FRAS1: variants seen among roughly 807,000 people sequenced by gnomAD.
FRAS1 encodes the protein extracellular matrix organizing protein FRAS1.
In FRAS1, 290 loss-of-function variants were observed where a neutral mutation model predicts 435.2. The observed-to-expected ratio is 0.67, with a 90% CI of 0.61 to 0.73. The LOEUF (loss-of-function observed/expected upper bound fraction) is 0.73. Ranked by LOEUF, FRAS1 falls within the 30% of genes least tolerant of loss-of-function variation. The pLI is 0.00. For missense variants in FRAS1, 4,860 were observed against 5,001.5 expected, an observed-to-expected ratio of 0.97 and a Z score of 0.85; for synonymous variants, 1,800 against 1,851.0, an observed-to-expected ratio of 0.97 and a Z score of 0.71.
intron 20 of FRAS1, among the ~76,000 whole-genome samples, chr4:78,359,752 T>C (rs1218793662): frequency 6.6e-6 from 1 of 152,150 alleles, no homozygotes; most frequent in Admixed American, 6.5e-5. Flanking sequence ...CTGTGTGAGG[T>C]AGAACTATAA....
At position 78,448,228 on chromosome 4, in the gene FRAS1, G is replaced by A. The variant is rs367698172; in HGVS notation, c.6186G>A (p.Val2062=). Residue 2062 remains valine (V), a synonymous_variant, in exon 44 of 74, where the codon GTG becomes GTA. Coordinates refer to ENST00000512123, the MANE Select transcript of FRAS1 (RefSeq NM_025074.7). ...TCTCCCTCACTGATGGCCTCCACGT[G>A]GACACAGGGAGGATGAAGATCTACA... The part of the protein sequence containing the change: ...FQFSLTDGLH[V]DTGRMKIYTE... 1 of 1,508,256 alleles carries A rather than the reference G, an allele frequency of 6.6e-7. No homozygotes were observed. The highest frequency in any genetic ancestry group is 2.5e-5 in the East Asian group (1 of 39,322). The allele number at this position is 1,508,256 out of a possible 1,614,324, so 93.4% of individuals were successfully genotyped here.
intron 2 of FRAS1, among the ~76,000 whole-genome samples, chr4:78,161,348 T>C (rs1376195236): frequency 6.6e-6 from 1 of 152,108 alleles, no homozygotes; most frequent in Non-Finnish European, 1.5e-5. Context: ...TTTAGGCTCA[T>C]GGTAAAGACG....
chr4:78,412,820 A>G, intron 31 of FRAS1, 149 bp from the exon 32 acceptor site: 2 of 433,780 alleles, frequency 4.6e-6, no homozygotes, highest in Non-Finnish European at 8.2e-6. Context: ...TAAAAGATCA[A>G]TATTAAAATA....
chr4:78,190,530 C>G (rs1396748540), intron 2 of FRAS1, among the ~76,000 whole-genome samples: 4 of 151,604 alleles, frequency 2.6e-5, no homozygotes, highest in African/African-American at 9.7e-5. Context: ...CAAAGTCTTC[C>G]CACCCACCTA....
chr4:78,381,601 A>C (rs1233468390), intron 27 of FRAS1, among the ~76,000 whole-genome samples: 2 of 152,160 alleles, frequency 1.3e-5, no homozygotes, highest in Non-Finnish European at 2.9e-5. Flanking sequence ...ATTCTTAAGT[A>C]TTTCTATCAC....
At chr4:78,276,870 A>G (rs1200205112) in intron 9 of FRAS1, among the ~76,000 whole-genome samples, 1 of 152,166 alleles carries the variant, frequency 6.6e-6, no homozygotes, top group African/African-American at 2.4e-5. Flanking sequence ...AACTATGCAG[A>G]GGTTTCTGCT....
intron 25 of FRAS1, 141 bp from the exon 26 acceptor site, chr4:78,375,598 G>A: frequency 1.5e-6 from 1 of 661,002 alleles, no homozygotes; most frequent in Non-Finnish European, 2.5e-6. Context: ...TATTCTGTAG[G>A]GAAACTGTCA....
chr4:78,083,095 T>A (rs1740968946), intron 2 of FRAS1, among the ~76,000 whole-genome samples: 1 of 152,074 alleles, frequency 6.6e-6, no homozygotes, highest in African/African-American at 2.4e-5. Context: ...AAATTAGGGA[T>A]CTGGAAATTA....
chr4:78,453,480 T>A (rs1719088042), intron 47 of FRAS1, among the ~76,000 whole-genome samples: 2 of 152,138 alleles, frequency 1.3e-5, no homozygotes, highest in Non-Finnish European at 2.9e-5. Flanking sequence ...TGAAGGGATG[T>A]GAGTGACAAG....
chr4:78,370,921 T>G (rs993477512), intron 23 of FRAS1, among the ~76,000 whole-genome samples: 5 of 152,188 alleles, frequency 3.3e-5, no homozygotes, highest in African/African-American at 1.2e-4. Flanking sequence ...CCTCTGATTC[T>G]GGCAGAGAAG....
chr4:78,247,677 T>C (rs1005457677), intron 4 of FRAS1, among the ~76,000 whole-genome samples: 2 of 152,162 alleles, frequency 1.3e-5, no homozygotes, highest in East Asian at 1.9e-4. Flanking sequence ...TTGACTCTTG[T>C]AGCATTTCCT....
At chr4:78,153,740 T>A (rs1720769189) in intron 2 of FRAS1, among the ~76,000 whole-genome samples, 1 of 152,232 alleles carries the variant, frequency 6.6e-6, no homozygotes, top group Non-Finnish European at 1.5e-5. Context: ...GCCTTTTGGC[T>A]ATCTTGAGAA....
Position 78,448,319 on chromosome 4 carries a change from A to T in FRAS1, c.6274+3A>T. ...CCAAGGCCTACAGCTCTCAGCAGGTACCACAGAAATAAAGGAGAGTGGCCA... is the reference window on the plus strand; with the variant it reads ...CCAAGGCCTACAGCTCTCAGCAGGTTCCACAGAAATAAAGGAGAGTGGCCA... On this transcript the variant is annotated splice_donor_region_variant and intron_variant, in intron 44 of 73. Coordinates refer to ENST00000512123, the MANE Select transcript of FRAS1 (RefSeq NM_025074.7). The T allele has an allele frequency of 7.5e-6, 12 of 1,599,130 alleles. No homozygotes were observed. Among genetic ancestry groups the T allele is most frequent in the Non-Finnish European group, 1.0e-5 (12 of 1,172,078 alleles).
intron 71 of FRAS1, among the ~76,000 whole-genome samples, chr4:78,534,913 C>T (rs769443476): frequency 6.6e-6 from 1 of 152,198 alleles, no homozygotes; most frequent in African/African-American, 2.4e-5. Context: ...CATTGTCTAA[C>T]TCTGGGTCAG....
chr4:78,252,522 G>A lies in FRAS1; in HGVS notation c.440G>A (p.Ser147Asn). 1 of 1,613,782 alleles carries A rather than the reference G, an allele frequency of 6.2e-7. No individual in the cohort carries two copies. Among genetic ancestry groups the A allele is most frequent in the Non-Finnish European group, 8.5e-7 (1 of 1,179,802 alleles). ...HQELAFIPEG[S>N]CCPVCVGLGK... The stretch of plus-strand genomic sequence containing the variant: ...GAGCTGGCATTCATCCCTGAAGGAA[G>A]CTGCTGCCCAGTTTGTGTGGGCCTT... The change falls in exon 5 of 74, where the codon AGC becomes AAC. Residue 147 changes from serine (S) to asparagine (N), a missense_variant. Physicochemically the swap from Ser to Asn is conservative, Grantham distance 46 (BLOSUM62 1). Transcript: ENST00000512123.
At chr4:78,469,893 A>G in intron 50 of FRAS1, 85 bp from the exon 51 acceptor site, 1 of 943,752 alleles carries the variant, frequency 1.1e-6, no homozygotes, top group South Asian at 1.4e-5. Context: ...AGCAGACTTC[A>G]GAGGTTACAG....
intron 2 of FRAS1, among the ~76,000 whole-genome samples, chr4:78,112,949 G>A (rs1313829075): frequency 6.6e-6 from 1 of 151,942 alleles, no homozygotes; most frequent in Non-Finnish European, 1.5e-5. Flanking sequence ...TTAACATTAG[G>A]TATATCTTCT....
chr4:78,449,261 T>C (rs1308965880), intron 44 of FRAS1, among the ~76,000 whole-genome samples: 1 of 152,150 alleles, frequency 6.6e-6, no homozygotes, highest in Non-Finnish European at 1.5e-5. Flanking sequence ...ACAGACACTT[T>C]CGTGTGCAGT....
chr4:78,276,469 A>G (rs1239030971), intron 9 of FRAS1, among the ~76,000 whole-genome samples: 1 of 152,064 alleles, frequency 6.6e-6, no homozygotes, highest in Non-Finnish European at 1.5e-5. Context: ...GTCTTTGATG[A>G]TGGTGACATT....
Sources: allele counts gnomAD v4.1 joint callset (sites outside exome capture counted in the v4.1 genomes callset), GRCh38; gene constraint gnomAD v4.1.1; transcripts MANE v1.5; gene names NCBI Gene and HGNC (gene_info 2026-07-23, HGNC 2026-07-21).